The following NEK11 variants were observed in gnomAD, a reference collection of about 807,000 sequenced individuals.
NEK11 encodes NIMA related kinase 11, also known as serine/threonine-protein kinase Nek11.
NEK11 carries 72 observed loss-of-function variants against 80.7 expected under a neutral mutation model. That is an observed-to-expected ratio of 0.89 (90% confidence interval 0.74 to 1.08). The LOEUF (loss-of-function observed/expected upper bound fraction) is 1.08. Ranked by LOEUF, NEK11 falls within the 50% of genes least tolerant of loss-of-function variation. NEK11 has a pLI of 0.00. For missense variants in NEK11, 764 were observed against 763.6 expected (o/e 1.00, Z -0.01); for synonymous variants, 251 against 260.7 (o/e 0.96, Z 0.36).
intron 5 of NEK11, among the ~76,000 whole-genome samples, chr3:131,118,117 A>T (rs1257387665): frequency 6.6e-6 from 1 of 152,156 alleles, no homozygotes; most frequent in South Asian, 2.1e-4. Flanking sequence ...GGTTTGTCCT[A>T]AATAGCTCTT....
At chr3:131,172,137 C>T (rs2092732017) in intron 14 of NEK11, among the ~76,000 whole-genome samples, 1 of 152,190 alleles carries the variant, frequency 6.6e-6, no homozygotes, top group Non-Finnish European at 1.5e-5. Context: ...TCCTACAGGC[C>T]TGCCTTTGTA....
At chr3:131,200,868 G>A (rs1204819855) in intron 14 of NEK11, among the ~76,000 whole-genome samples, 4 of 152,126 alleles carry the variant, frequency 2.6e-5, no homozygotes, top group African/African-American at 7.2e-5. Flanking sequence ...TCTGTGCTGC[G>A]AGCAGCAGGA....
chr3:131,032,798 G>A (rs907842288), intron 3 of NEK11, among the ~76,000 whole-genome samples: 2 of 152,124 alleles, frequency 1.3e-5, no homozygotes, highest in Non-Finnish European at 2.9e-5. Context: ...ATGTCACATT[G>A]CCTTGCTCAT....
chr3:131,075,075 G>T (rs1286051956), intron 3 of NEK11, among the ~76,000 whole-genome samples: 2 of 152,110 alleles, frequency 1.3e-5, no homozygotes, highest in Admixed American at 1.3e-4. Flanking sequence ...GGCACCTACA[G>T]TTTGCCATTC....
chr3:131,334,027 T>C (rs2097139484), intron 17 of NEK11, among the ~76,000 whole-genome samples: 1 of 152,106 alleles, frequency 6.6e-6, no homozygotes, highest in African/African-American at 2.4e-5. Context: ...TGGGAGACTT[T>C]AACACCCCAC....
At chr3:131,196,486 A>G (rs182036550) in intron 14 of NEK11, among the ~76,000 whole-genome samples, 1 of 152,318 alleles carries the variant, frequency 6.6e-6, no homozygotes, top group Non-Finnish European at 1.5e-5. Context: ...CCCAGAAGTC[A>G]TAAAAGACTT....
chr3:131,166,769 A>T (rs183639515), intron 12 of NEK11, among the ~76,000 whole-genome samples: 3 of 152,140 alleles, frequency 2.0e-5, no homozygotes, highest in Non-Finnish European at 4.4e-5. Flanking sequence ...CTGAAAGGCC[A>T]TGGGGTCAAC....
intron 7 of NEK11, among the ~76,000 whole-genome samples, chr3:131,150,663 C>T (rs2089470025): frequency 1.3e-5 from 2 of 151,770 alleles, no homozygotes; most frequent in Admixed American, 6.6e-5. Context: ...AGTCTTTTCC[C>T]TCTTGTGTCA....
chr3:131,100,991 A>G (rs1396048477), intron 4 of NEK11, among the ~76,000 whole-genome samples: 1 of 151,932 alleles, frequency 6.6e-6, no homozygotes. Context: ...CCAGGAATTT[A>G]TGTGTTTCCT....
intron 15 of NEK11, among the ~76,000 whole-genome samples, chr3:131,235,273 CCAA>C (rs939966636): frequency 6.6e-6 from 1 of 152,098 alleles, no homozygotes; most frequent in Non-Finnish European, 1.5e-5. Context: ...GCTTTTCTCT[CCAA>C]CAATCTTCTC....
In NEK11 at chr3:131,264,736, T is replaced by C. The variant is rs537824439; in HGVS notation, c.1622-8742T>C. Reference sequence around the variant, plus strand: ...CATATGAACTTTAAAGTAGTTTTTTTCCAATTCTGTGAAGAAAGTCATTGG... The same window carrying C: ...CATATGAACTTTAAAGTAGTTTTTTCCCAATTCTGTGAAGAAAGTCATTGG... On this transcript the variant is annotated intron_variant, in intron 16 of 17. Transcript: ENST00000383366. 4.3e-4 allele frequency among the ~76,000 whole-genome samples: 66 copies of C among 152,330 alleles called. 1 individual carries two copies. The highest frequency in any genetic ancestry group is 1.5e-3 in the African/African-American group (63 of 41,576).
Position 131,038,752 on chromosome 3 carries a change from G to A in NEK11, c.170+8874G>A, listed in dbSNP as rs556289751. 2.1e-4 allele frequency among the ~76,000 whole-genome samples: 32 copies of A among 152,308 alleles called. 1 individual carries two copies. The highest frequency in any genetic ancestry group is 7.5e-4 in the African/African-American group (31 of 41,568). On this transcript the variant is annotated intron_variant, in intron 3 of 17. Transcript: ENST00000383366. Reference sequence around the variant, plus strand: ...TATTTAAAATATTACAGCCGTATTAGTGTCAGCAGTAAAAGTATATTCAAA... The same window carrying A: ...TATTTAAAATATTACAGCCGTATTAATGTCAGCAGTAAAAGTATATTCAAA...
intron 17 of NEK11, among the ~76,000 whole-genome samples, chr3:131,305,488 C>T (rs2096713552): frequency 6.6e-6 from 1 of 152,164 alleles, no homozygotes; most frequent in African/African-American, 2.4e-5. Flanking sequence ...CAAGATTGCC[C>T]TGCTCTGCCT....
chr3:131,257,345 A>G (rs752290673), intron 16 of NEK11, among the ~76,000 whole-genome samples: 1 of 152,142 alleles, frequency 6.6e-6, no homozygotes, highest in East Asian at 1.9e-4. Flanking sequence ...CCCTAATTAC[A>G]TGGGAGACTG....
chr3:131,197,878 T>C (rs911599274), intron 14 of NEK11, among the ~76,000 whole-genome samples: 1 of 152,108 alleles, frequency 6.6e-6, no homozygotes, highest in African/African-American at 2.4e-5. Context: ...AATATCTGCT[T>C]GGCGGTTCCC....
intron 3 of NEK11, among the ~76,000 whole-genome samples, chr3:131,044,246 C>G (rs569013067): frequency 5.9e-5 from 9 of 151,990 alleles, no homozygotes; most frequent in Admixed American, 5.2e-4. Flanking sequence ...TCACACATAA[C>G]AATATTAACC....
intron 17 of NEK11, among the ~76,000 whole-genome samples, chr3:131,337,880 G>A (rs1306139641): frequency 2.6e-5 from 4 of 152,074 alleles, no homozygotes; most frequent in Admixed American, 6.6e-5. Flanking sequence ...GAGTTATATC[G>A]CATACCTCAT....
At chr3:131,321,839 A>G (rs776232321) in intron 17 of NEK11, among the ~76,000 whole-genome samples, 3 of 152,142 alleles carry the variant, frequency 2.0e-5, no homozygotes, top group Non-Finnish European at 4.4e-5. Context: ...TCAAAAAACA[A>G]CAGATGCTAG....
At chr3:131,227,584 C>T (rs112339860) in intron 14 of NEK11, among the ~76,000 whole-genome samples, 1,676 of 152,158 alleles carry the variant, frequency 0.011, 37 homozygotes, top group African/African-American at 0.038. Flanking sequence ...GAAATAGCAA[C>T]AATAGATTGA....
Sources: allele counts gnomAD v4.1 joint callset (sites outside exome capture counted in the v4.1 genomes callset), GRCh38; gene constraint gnomAD v4.1.1; transcripts MANE v1.5; gene names NCBI Gene and HGNC (gene_info 2026-07-23, HGNC 2026-07-21).